Variants in RAG1 observed in about 807,000 individuals in gnomAD.
RAG1 encodes V(D)J recombination-activating protein 1.
Under a neutral mutation model 62.7 loss-of-function variants are expected in RAG1, and 35 were observed. The ratio of observed to expected loss-of-function variants is 0.56; its 90% confidence interval spans 0.43 to 0.74. RAG1 has a LOEUF of 0.74. Ranked by LOEUF, RAG1 falls within the 30% of genes least tolerant of loss-of-function variation. The pLI is 0.00. For synonymous variants in RAG1, 461 were observed against 470.3 expected (o/e 0.98, Z 0.26); for missense variants, 1,169 against 1,278.6 (o/e 0.91, Z 1.31).
At chr11:36,532,269 A>G (rs1358403062) in intron 2 of RAG1, among the ~76,000 whole-genome samples, 3 of 152,072 alleles carry the variant, frequency 2.0e-5, no homozygotes, top group African/African-American at 7.2e-5. Context: ...TTATGTGTTA[A>G]TATTTTATCT....
chr11:36,559,569 C>T (rs182374344), intron 3 of RAG1, among the ~76,000 whole-genome samples: 33 of 152,026 alleles, frequency 2.2e-4, no homozygotes, highest in African/African-American at 6.3e-4. Flanking sequence ...TTCTTACTCT[C>T]GCTCTCTCTT....
Position 36,551,735 on chromosome 11 carries a change from C to A in RAG1, c.-411-11650C>A, listed in dbSNP as rs1850488179. ...ATGTGTCATCTAGCATTAGGTATATCTCCCAATGCTATCCCTCCCCCCTCC... is the reference window on the plus strand; with the variant it reads ...ATGTGTCATCTAGCATTAGGTATATATCCCAATGCTATCCCTCCCCCCTCC... On this transcript the variant is annotated intron_variant and NMD_transcript_variant, in intron 3 of 9. Transcript: ENST00000534663. 2.1e-5 allele frequency among the ~76,000 whole-genome samples: 3 copies of A among 140,556 alleles called. No homozygotes were observed. The South Asian group carries it at 7.2e-4, about 34-fold the overall frequency. 92.2% of individuals were successfully genotyped at this position (140,556 alleles called of 152,430 possible).
At chr11:36,564,799 A>G, upstream of RAG1, among the ~76,000 whole-genome samples, 1 of 152,196 alleles carries the variant, frequency 6.6e-6, no homozygotes, top group East Asian at 1.9e-4. Context: ...GCGAGTTTGC[A>G]TGCTCACCCA....
chr11:36,570,999 T>A (rs1702594082), intron 1 of RAG1, among the ~76,000 whole-genome samples: 1 of 152,244 alleles, frequency 6.6e-6, no homozygotes, highest in African/African-American at 2.4e-5. Flanking sequence ...GATTGTTTAC[T>A]TTGCTGTGCA....
At chr11:36,516,573 C>T (rs1860000237) in intron 1 of RAG1, among the ~76,000 whole-genome samples, 1 of 152,224 alleles carries the variant, frequency 6.6e-6, no homozygotes, top group Admixed American at 6.5e-5. Context: ...CCACCTGCCT[C>T]GGCCTCCCAA....
intron 2 of RAG1, among the ~76,000 whole-genome samples, chr11:36,522,798 C>G (rs1164060670): frequency 6.6e-6 from 1 of 152,242 alleles, no homozygotes; most frequent in African/African-American, 2.4e-5. Flanking sequence ...CCTCTTGCAT[C>G]AGTGTGACCT....
chr11:36,567,132 T>C (rs1184972937), upstream of RAG1, among the ~76,000 whole-genome samples: 1 of 152,246 alleles, frequency 6.6e-6, no homozygotes, highest in Non-Finnish European at 1.5e-5. Context: ...CATGGTATAA[T>C]GGAGTGATTA....
rs1263333349 is a variant in RAG1, at chr11:36,574,263, G to A, written c.959G>A (p.Cys320Tyr). 1.2e-6 allele frequency: 2 copies of A among 1,614,158 alleles called. No homozygotes were observed. The highest frequency in any genetic ancestry group is 1.1e-5 in the South Asian group (1 of 91,082). ...HVFCRVCILR[C>Y]LKVMGSYCPS... is the part of the protein sequence containing the mutation. ...TTTTGCCGGGTCTGCATTCTCAGAT[G>A]CCTCAAAGTCATGGGCAGCTATTGT... Residue 320 changes from cysteine (C) to tyrosine (Y), a missense_variant, in exon 2 of 2, where the codon TGC becomes TAC. Cys to Tyr is a radical substitution (Grantham distance 194, BLOSUM62 -2). Around this residue, in one of 2 missense-constraint regions of RAG1, gnomAD observed 800 missense variants for 943.3 expected, o/e 0.85. Coordinates refer to ENST00000299440, the MANE Select transcript of RAG1 (RefSeq NM_000448.3).
Position 36,573,984 on chromosome 11 carries a change from A to T in RAG1, c.680A>T (p.Gln227Leu), listed in dbSNP as rs757672759. 5.0e-6 allele frequency: 8 copies of T among 1,614,060 alleles called. No individual in the cohort carries two copies. The highest frequency in any genetic ancestry group is 1.1e-5 in the South Asian group (1 of 91,090). ...CGGGGACTCAAGAGGAAGAGTCTTC[A>T]GCCAAACTTGCAGCTCAGCAAAAAA... The part of the protein sequence containing the change: ...ARRGLKRKSL[Q>L]PNLQLSKKLK... The change falls in exon 2 of 2, where the codon CAG (glutamine) becomes CTG (leucine). Residue 227 changes from glutamine (Q) to leucine (L), a missense_variant. Transcript: ENST00000299440.
chr11:36,558,547 A>C (rs943048445), intron 3 of RAG1, among the ~76,000 whole-genome samples: 3 of 152,210 alleles, frequency 2.0e-5, no homozygotes, highest in Admixed American at 6.5e-5. Context: ...ACAGTTTTGG[A>C]TTTAAAAGTC....
downstream of RAG1, among the ~76,000 whole-genome samples, chr11:36,538,919 C>G (rs950421842): frequency 6.6e-6 from 1 of 152,176 alleles, no homozygotes; most frequent in Non-Finnish European, 1.5e-5. Context: ...GAAGAGGCCT[C>G]AATTCAATCA....
chr11:36,547,974 C>T (rs149547305), intron 3 of RAG1, among the ~76,000 whole-genome samples: 1,933 of 152,228 alleles, frequency 0.013, 34 homozygotes, highest in African/African-American at 0.044. Flanking sequence ...GTTCAACATA[C>T]GCAAATCAAT....
At position 36,574,754 on chromosome 11, in the gene RAG1, TACC is replaced by T; in HGVS notation, c.1453_1455del (p.His485del). Reference sequence around the variant, plus strand: ...CAACACCTTCCTCAGCTGCAGTCAGTACCACAAGATGTACAGGACTGTGAAAGC... The same window carrying T: ...CAACACCTTCCTCAGCTGCAGTCAGTACAAGATGTACAGGACTGTGAAAGC... On this transcript the variant is annotated inframe_deletion, in exon 2 of 2. Coordinates refer to ENST00000299440, the MANE Select transcript of RAG1 (RefSeq NM_000448.3). 1 of 1,614,216 alleles carries T rather than the reference TACC, an allele frequency of 6.2e-7. No homozygotes were observed. The highest frequency in any genetic ancestry group is 8.5e-7 in the Non-Finnish European group (1 of 1,180,044).
rs200043512 is a variant in RAG1 at position 36,576,330 on chromosome 11, A to G, written c.3026A>G (p.His1009Arg). 2 of 1,614,074 alleles carry G rather than the reference A, an allele frequency of 1.2e-6. No individual in the cohort carries two copies. Among genetic ancestry groups the G allele is most frequent in the Non-Finnish European group, 1.7e-6 (2 of 1,179,972 alleles). ...SKYLQKFMNA[H>R]NALKTSGFTM... ...TACCTCCAGAAGTTTATGAATGCTC[A>G]TAATGCATTAAAAACCTCTGGGTTT... Residue 1009 changes from histidine (H) to arginine (R), a missense_variant, in exon 2 of 2, where the codon CAT becomes CGT. His to Arg is a conservative substitution (Grantham distance 29). Transcript: ENST00000299440.
At chr11:36,546,859 ATTCTT>A (rs1850401273) in intron 3 of RAG1, among the ~76,000 whole-genome samples, 2 of 152,050 alleles carry the variant, frequency 1.3e-5, no homozygotes, top group African/African-American at 2.4e-5. Context: ...CGATTTGAAA[ATTCTT>A]TTCTTTAAGA....
intron 3 of RAG1, among the ~76,000 whole-genome samples, chr11:36,562,001 G>A (rs1293271447): frequency 6.6e-6 from 1 of 152,158 alleles, no homozygotes; most frequent in African/African-American, 2.4e-5. Context: ...CTGTGGCTGC[G>A]GGTAAGTGGG....
intron 2 of RAG1, among the ~76,000 whole-genome samples, chr11:36,526,263 G>A (rs1860161418): frequency 8.2e-6 from 1 of 121,912 alleles, no homozygotes; most frequent in Non-Finnish European, 1.6e-5. Context: ...GCCCCAGTGT[G>A]TGATATTCCC....
At chr11:36,534,311 T>C (rs907882444) in intron 2 of RAG1, among the ~76,000 whole-genome samples, 7 of 152,164 alleles carry the variant, frequency 4.6e-5, no homozygotes, top group African/African-American at 1.7e-4. Flanking sequence ...TACGCTCTAG[T>C]GGAGAAAGAG....
In RAG1 at chr11:36,575,431, C is replaced by A. The variant is rs1329435166; in HGVS notation, c.2127C>A (p.Gly709=). The change falls in exon 2 of 2, where the codon GGC becomes GGA. Residue 709 remains glycine (G), a synonymous_variant. Coordinates refer to ENST00000299440, the MANE Select transcript of RAG1 (RefSeq NM_000448.3). The surrounding 1 kb of genome is among the most constrained non-coding windows in gnomAD (Gnocchi z 4.1). ...RTFKFIFRGT[G]YDEKLVREVE... is the part of the protein sequence containing the mutation. ...TCAAGTTCATCTTCAGGGGCACCGG[C>A]TATGATGAAAAACTTGTGCGGGAAG... The A allele has an allele frequency of 6.2e-7, 1 of 1,614,032 alleles. No individual in the cohort carries two copies. The highest frequency in any genetic ancestry group is 1.3e-5 in the African/African-American group (1 of 74,924).
Sources: gnomAD v4.1 joint callset for allele counts (sites outside exome capture counted in the v4.1 genomes callset) on GRCh38, gnomAD v4.1.1 for gene constraint, gnomAD v4.1.1 regional missense constraint, Gnocchi (gnomAD v3.1) non-coding constraint, MANE v1.5 for transcripts, NCBI Gene and HGNC (gene_info 2026-07-23, HGNC 2026-07-21) for gene names.